Variants in DTNA observed in about 807,000 individuals in gnomAD.
DTNA encodes the protein dystrobrevin alpha, also known as dystrophin-related protein 3.
In DTNA, 43 loss-of-function variants were observed where a neutral mutation model predicts 100.7. The ratio of observed to expected loss-of-function variants is 0.43; its 90% confidence interval spans 0.33 to 0.55. The LOEUF is 0.55. DTNA is among the 20% of genes least tolerant of loss of function. The pLI is 0.04. For synonymous variants in DTNA, 349 were observed against 347.9 expected (o/e 1.00, Z -0.04); for missense variants, 798 against 953.9 (o/e 0.84, Z 2.15).
At chr18:34,875,129 C>G (rs1163221425) in intron 17 of DTNA, 110 bp from the exon 18 acceptor site, 4 of 1,490,678 alleles carry the variant, frequency 2.7e-6, no homozygotes, top group Non-Finnish European at 9.1e-7. Context: ...AGGATTTCCT[C>G]CTGCTTTGAA....
intron 3 of DTNA, among the ~76,000 whole-genome samples, chr18:34,779,268 G>T (rs2094207539): frequency 6.6e-6 from 1 of 152,160 alleles, no homozygotes; most frequent in Non-Finnish European, 1.5e-5. Flanking sequence ...CTAGCACACA[G>T]AATGCATTTG....
intron 1 of DTNA, among the ~76,000 whole-genome samples, chr18:34,742,091 A>C (rs1366701269): frequency 6.6e-6 from 1 of 152,188 alleles, no homozygotes; most frequent in Non-Finnish European, 1.5e-5. Context: ...AAGGAGGATT[A>C]GGGAGGTAGT....
At chr18:34,609,444 C>T (rs559254489) in intron 1 of DTNA, among the ~76,000 whole-genome samples, 1 of 152,124 alleles carries the variant, frequency 6.6e-6, no homozygotes, top group African/African-American at 2.4e-5. Context: ...CGGAGTTTCA[C>T]CGTGTTAGCC....
intron 9 of DTNA, chr18:34,821,574 C>T: frequency 2.2e-6 from 1 of 450,264 alleles, no homozygotes; most frequent in Non-Finnish European, 4.4e-6. Context: ...CTCTCTCAGG[C>T]CTGGGTGGCC....
At chr18:34,504,603 G>A (rs2040303108) in intron 1 of DTNA, among the ~76,000 whole-genome samples, 2 of 152,076 alleles carry the variant, frequency 1.3e-5, no homozygotes. Flanking sequence ...ATTTTCACTG[G>A]ACATAAGATT....
At chr18:34,716,196 C>T (rs1339298202) in intron 1 of DTNA, among the ~76,000 whole-genome samples, 1 of 152,132 alleles carries the variant, frequency 6.6e-6, no homozygotes. Context: ...CAGACAATAG[C>T]AGTCTGAAAA....
chr18:34,509,264 C>T (rs1451554400), intron 1 of DTNA, among the ~76,000 whole-genome samples: 2 of 152,014 alleles, frequency 1.3e-5, no homozygotes, highest in East Asian at 3.9e-4. Flanking sequence ...AATAAAGGCC[C>T]CCAGCCATGG....
intron 1 of DTNA, among the ~76,000 whole-genome samples, chr18:34,598,673 C>G (rs1224165087): frequency 6.6e-6 from 1 of 152,096 alleles, no homozygotes; most frequent in Non-Finnish European, 1.5e-5. Context: ...ACCATCCTGG[C>G]TAACACGGTG....
At chr18:34,650,345 C>T (rs2060297911) in intron 1 of DTNA, among the ~76,000 whole-genome samples, 1 of 151,962 alleles carries the variant, frequency 6.6e-6, no homozygotes, top group African/African-American at 2.4e-5. Context: ...GATGAAGTTC[C>T]AGATACATGA....
intron 3 of DTNA, among the ~76,000 whole-genome samples, chr18:34,783,734 A>G (rs2148854599): frequency 6.6e-6 from 1 of 152,360 alleles, no homozygotes; most frequent in East Asian, 1.9e-4. Flanking sequence ...GGATAGCTTC[A>G]GTGTAATCAC....
chr18:34,875,470 C>A, intron 18 of DTNA, 72 bp downstream of exon 18: 1 of 1,602,836 alleles, frequency 6.2e-7, no homozygotes, highest in South Asian at 1.1e-5. Context: ...ATTGAGTGGT[C>A]AAGAGTTGTC....
chr18:34,514,912 A>C (rs2041447464), intron 1 of DTNA, among the ~76,000 whole-genome samples: 1 of 152,084 alleles, frequency 6.6e-6, no homozygotes, highest in Non-Finnish European at 1.5e-5. Flanking sequence ...GGGGACACAG[A>C]CATTCAGACC....
At chr18:34,836,647 C>CAAAAA (rs749690995) in intron 11 of DTNA, among the ~76,000 whole-genome samples, 1 of 51,680 alleles carries the variant, frequency 1.9e-5, no homozygotes, top group Non-Finnish European at 4.4e-5. Context: ...GACTCTGTCT[C>CAAAAA]AAAAAAAAAA....
rs572809365 is a variant in DTNA at position 34,889,487 on chromosome 18, C to G, written c.*1753C>G. ...TTATTCAGAATAAGCAAGAAAGGTT[C>G]TGTGATTCACTTTTGCTTCTGGGGC... On this transcript the variant is annotated 3_prime_UTR_variant, in exon 23 of 23. Transcript: ENST00000444659. The G allele has an allele frequency of 2.5e-4, 243 of 985,428 alleles. No homozygotes were observed. Among genetic ancestry groups the G allele is most frequent in the Non-Finnish European group, 2.8e-4 (233 of 829,938 alleles). The allele number at this position is 985,428 out of a possible 1,614,324, so 61.0% of individuals were successfully genotyped here. A position where few individuals can be genotyped will look rare whatever the true frequency, so the allele number is the denominator to read the frequency against.
intron 1 of DTNA, among the ~76,000 whole-genome samples, chr18:34,704,149 C>A (rs1433674307): frequency 6.6e-6 from 1 of 152,152 alleles, no homozygotes; most frequent in Non-Finnish European, 1.5e-5. Context: ...ATTTGCTTCC[C>A]AGTTCTCTCC....
chr18:34,533,901 C>T (rs148432043), intron 1 of DTNA, among the ~76,000 whole-genome samples: 3 of 152,176 alleles, frequency 2.0e-5, no homozygotes, highest in African/African-American at 2.4e-5. Context: ...TTTGGTGAGA[C>T]GTTTTTGTTT....
intron 1 of DTNA, chr18:34,513,527 T>G (rs957035947): frequency 1.7e-4 from 26 of 152,112 alleles, no homozygotes; most frequent in African/African-American, 6.0e-4. Context: ...AATCCATCGG[T>G]CTGCTGCAAG....
At chr18:34,535,161 C>T (rs996508670) in intron 1 of DTNA, among the ~76,000 whole-genome samples, 1 of 152,112 alleles carries the variant, frequency 6.6e-6, no homozygotes, top group Non-Finnish European at 1.5e-5. Flanking sequence ...TCTATTGTTT[C>T]CTGACTTTTT....
At chr18:34,614,339 C>T (rs895460049) in intron 1 of DTNA, among the ~76,000 whole-genome samples, 2 of 152,178 alleles carry the variant, frequency 1.3e-5, no homozygotes, top group South Asian at 2.1e-4. Flanking sequence ...CCCAAGACAA[C>T]GTCCATTCTG....
Sources: gnomAD v4.1 joint callset for allele counts (sites outside exome capture counted in the v4.1 genomes callset) on GRCh38, gnomAD v4.1.1 for gene constraint, MANE v1.5 for transcripts, NCBI Gene and HGNC (gene_info 2026-07-23, HGNC 2026-07-21) for gene names.